The following ZSWIM6 variants were observed in gnomAD, a reference collection of about 807,000 sequenced individuals.
ZSWIM6 encodes zinc finger SWIM-type containing 6.
ZSWIM6 carries 9 observed loss-of-function variants against 113.2 expected under a neutral mutation model. That is an observed-to-expected ratio of 0.08 (90% confidence interval 0.05 to 0.14). The LOEUF (loss-of-function observed/expected upper bound fraction) is 0.14. ZSWIM6 is among the 10% of genes least tolerant of loss of function. The probability of loss-of-function intolerance (pLI) is 1.00; values close to 1 mark genes in which losing one functional copy is unlikely to be tolerated. For missense variants in ZSWIM6, 1,162 were observed against 1,552.2 expected (o/e 0.75, Z 4.22); for synonymous variants, 611 against 606.5 (o/e 1.01, Z -0.11).
chr5:61,411,000 A>G (rs1746139881), intron 1 of ZSWIM6, among the ~76,000 whole-genome samples: 1 of 152,128 alleles, frequency 6.6e-6, no homozygotes, highest in South Asian at 2.1e-4. Context: ...ATAATACACT[A>G]TGGTTTGGCA....
chr5:61,345,380 T>C (rs1010126798), intron 1 of ZSWIM6, among the ~76,000 whole-genome samples: 5 of 152,228 alleles, frequency 3.3e-5, no homozygotes, highest in African/African-American at 7.2e-5. Context: ...GCCAGTGTTA[T>C]GTAGATTGTG....
At chr5:61,371,703 C>T (rs1745265563) in intron 1 of ZSWIM6, among the ~76,000 whole-genome samples, 1 of 152,110 alleles carries the variant, frequency 6.6e-6, no homozygotes, top group African/African-American at 2.4e-5. Context: ...AAGTCTTTTG[C>T]CTCAGGGCAG....
intron 3 of ZSWIM6, among the ~76,000 whole-genome samples, chr5:61,493,307 T>G (rs1748228812): frequency 1.3e-5 from 2 of 152,176 alleles, no homozygotes; most frequent in Admixed American, 6.6e-5. Context: ...TATAAAAAAC[T>G]TAAGTGAGAG....
chr5:61,455,740 A>C (rs1286668148), intron 1 of ZSWIM6, among the ~76,000 whole-genome samples: 1 of 152,164 alleles, frequency 6.6e-6, no homozygotes, highest in Non-Finnish European at 1.5e-5. Context: ...AAATTTGTTC[A>C]TAATGATAAC....
chr5:61,456,174 A>C (rs1228203639), intron 1 of ZSWIM6, among the ~76,000 whole-genome samples: 1 of 152,140 alleles, frequency 6.6e-6, no homozygotes, highest in African/African-American at 2.4e-5. Flanking sequence ...AATTTCACAG[A>C]AAGATTTTAT....
chr5:61,393,165 C>T (rs912067580), intron 1 of ZSWIM6, among the ~76,000 whole-genome samples: 22 of 151,962 alleles, frequency 1.4e-4, no homozygotes, highest in African/African-American at 2.4e-4. Flanking sequence ...TCAGCCCTCC[C>T]GAGTAGCTGG....
At position 61,426,607 on chromosome 5, in the gene ZSWIM6, AT is replaced by A. The variant is rs555188258; in HGVS notation, c.677-46064del. 4.3e-3 allele frequency among the ~76,000 whole-genome samples: 643 copies of A among 149,758 alleles called. 9 individuals are homozygous for A. The highest frequency in any genetic ancestry group is 6.9e-3 in the Middle Eastern group (2 of 288). ...TTGATTGAATAATATTCTTCATGGG[AT>A]TTTTTTTTTCCTTCACAGTAACAGG... is the stretch of plus-strand genomic sequence containing the variant. On this transcript the variant is annotated intron_variant, in intron 1 of 13. Transcript: ENST00000252744.
At chr5:61,384,227 G>A (rs1745547309) in intron 1 of ZSWIM6, among the ~76,000 whole-genome samples, 5 of 132,972 alleles carry the variant, frequency 3.8e-5, no homozygotes, top group African/African-American at 5.7e-5. Context: ...CAGCCTAGGC[G>A]ACAGAGCGAG....
chr5:61,343,498 A>T (rs1296393264), intron 1 of ZSWIM6, among the ~76,000 whole-genome samples: 2 of 152,240 alleles, frequency 1.3e-5, no homozygotes, highest in African/African-American at 4.8e-5. Context: ...AGAATTTTGT[A>T]TACGCCAGGT....
chr5:61,466,947 T>C lies in ZSWIM6; in HGVS notation c.677-5734T>C, dbSNP rs577173143. On this transcript the variant is annotated intron_variant, in intron 1 of 13. Coordinates refer to ENST00000252744, the MANE Select transcript of ZSWIM6 (RefSeq NM_020928.2). ...GCTTTCTAGAAACCTTAATCTTTGT[T>C]AATGTGAAATTAACATAGATGATTT... Among the ~76,000 whole-genome samples, 65 of 152,342 alleles carry C rather than the reference T, an allele frequency of 4.3e-4. No homozygotes were observed. The South Asian group carries it at 0.013, about 30-fold the overall frequency.
chr5:61,505,307 G>T (rs1404571858), intron 4 of ZSWIM6, among the ~76,000 whole-genome samples: 3 of 152,222 alleles, frequency 2.0e-5, no homozygotes, highest in Non-Finnish European at 4.4e-5. Flanking sequence ...ATCTATCATT[G>T]TGCCTTTTTT....
rs1375139727 is a variant in ZSWIM6, at chr5:61,543,810, C to T, written c.3141C>T (p.Tyr1047=). The change falls in exon 14 of 14, where the codon TAC becomes TAT. Residue 1047 remains tyrosine, a synonymous_variant. Transcript: ENST00000252744. The surrounding 1 kb of genome is among the most constrained non-coding windows in gnomAD (Gnocchi z 4.3). ...ACCGCGGGTACCCCATGAGGGCCTA[C>T]AAGCTGGCCACCCTGGCCATGACCC... ...MEHRGYPMRA[Y]KLATLAMTHL... The T allele has an allele frequency of 6.4e-7, 1 of 1,551,912 alleles. No individual in the cohort carries two copies. Among genetic ancestry groups the T allele is most frequent in the South Asian group, 1.2e-5 (1 of 84,052 alleles).
intron 2 of ZSWIM6, among the ~76,000 whole-genome samples, chr5:61,482,986 A>G (rs1163882120): frequency 6.6e-6 from 1 of 152,140 alleles, no homozygotes; most frequent in Non-Finnish European, 1.5e-5. Context: ...GCTTACCCCA[A>G]AAAAATAAAA....
intron 7 of ZSWIM6, among the ~76,000 whole-genome samples, chr5:61,527,839 T>G (rs2112271664): frequency 6.6e-6 from 1 of 152,290 alleles, no homozygotes; most frequent in East Asian, 1.9e-4. Context: ...TTTAAAATGT[T>G]GTAATAAAAA....
chr5:61,402,030 A>G (rs1174182192), intron 1 of ZSWIM6, among the ~76,000 whole-genome samples: 2 of 152,098 alleles, frequency 1.3e-5, no homozygotes, highest in Non-Finnish European at 1.5e-5. Flanking sequence ...CTCCAGGGGT[A>G]AAAGGAGAGA....
At chr5:61,520,135 G>T (rs980594739) in intron 4 of ZSWIM6, among the ~76,000 whole-genome samples, 1 of 152,132 alleles carries the variant, frequency 6.6e-6, no homozygotes, top group Non-Finnish European at 1.5e-5. Context: ...AATGGAAGAA[G>T]CTTGTTTATT....
intron 9 of ZSWIM6, among the ~76,000 whole-genome samples, chr5:61,535,155 AG>A (rs1749542605): frequency 6.6e-6 from 1 of 152,144 alleles, no homozygotes; most frequent in Admixed American, 6.5e-5. Flanking sequence ...ACATTGAGAG[AG>A]GATGTTGCTC....
chr5:61,394,851 G>C (rs2112096395), intron 1 of ZSWIM6, among the ~76,000 whole-genome samples: 2 of 152,218 alleles, frequency 1.3e-5, no homozygotes, highest in African/African-American at 2.4e-5. Context: ...GCTGCTACAG[G>C]GGGTACTAAG....
intron 1 of ZSWIM6, among the ~76,000 whole-genome samples, chr5:61,339,680 C>T (rs1227811078): frequency 6.6e-6 from 1 of 152,102 alleles, no homozygotes; most frequent in Non-Finnish European, 1.5e-5. Flanking sequence ...CTATAAATAT[C>T]TTAGAAACAA....
Sources: allele counts gnomAD v4.1 joint callset (sites outside exome capture counted in the v4.1 genomes callset), GRCh38; gene constraint gnomAD v4.1.1; non-coding constraint Gnocchi (gnomAD v3.1); transcripts MANE v1.5; gene names NCBI Gene and HGNC (gene_info 2026-07-23, HGNC 2026-07-21).